The following CSGALNACT1 variants were observed in gnomAD, a reference collection of about 807,000 sequenced individuals.
CSGALNACT1 encodes beta4GalNAcT-1.
In CSGALNACT1, 52 loss-of-function variants were observed where a neutral mutation model predicts 51.0. That is an observed-to-expected ratio of 1.02 (90% CI 0.82 to 1.29). CSGALNACT1 has a LOEUF of 1.29. Ranked by LOEUF, CSGALNACT1 falls within the 50% of genes most tolerant of loss-of-function variation. CSGALNACT1 has a pLI of 0.00. For synonymous variants in CSGALNACT1, 341 were observed against 254.4 expected (o/e 1.34, Z -3.24); for missense variants, 935 against 679.2 (o/e 1.38, Z -4.19).
At position 19,757,647 on chromosome 8, in the gene CSGALNACT1, A is replaced by G. The variant is rs1353396790; in HGVS notation, c.-297+203T>C. 6.6e-6 allele frequency among the ~76,000 whole-genome samples: 1 copy of G among 152,066 alleles called. No individual in the cohort carries two copies. The highest frequency in any genetic ancestry group is 1.5e-5 in the Non-Finnish European group (1 of 67,988). The stretch of plus-strand genomic sequence containing the variant: ...CCGAGTTGCAGGAGAGAGGTGTCCA[A>G]TCTCCATGGGGTCCTTACTCTTGCA... On this transcript the variant is annotated intron_variant, in intron 1 of 1. Transcript: ENST00000517494. This position sits in a 1 kb window ranked among gnomAD's most constrained non-coding sequence, Gnocchi z 4.0.
intron 1 of CSGALNACT1, among the ~76,000 whole-genome samples, chr8:19,717,497 A>C (rs1028982489): frequency 7.9e-5 from 12 of 152,236 alleles, no homozygotes; most frequent in Admixed American, 6.5e-4. Context: ...ATGTTCAGCT[A>C]TACAGGTTTT....
chr8:19,579,078 G>A (rs188963460), intron 3 of CSGALNACT1, among the ~76,000 whole-genome samples: 1 of 152,106 alleles, frequency 6.6e-6, no homozygotes, highest in Non-Finnish European at 1.5e-5. Flanking sequence ...ATGAACTTGA[G>A]CCTATCCACC....
chr8:19,709,679 G>T (rs2062384134), intron 1 of CSGALNACT1, among the ~76,000 whole-genome samples: 1 of 152,208 alleles, frequency 6.6e-6, no homozygotes. Context: ...TTGGCACTCA[G>T]TGGTATCACC....
chr8:19,458,135 C>T (rs925367110), intron 5 of CSGALNACT1, among the ~76,000 whole-genome samples: 1 of 152,212 alleles, frequency 6.6e-6, no homozygotes, highest in Non-Finnish European at 1.5e-5. Flanking sequence ...CTGAGCCCCT[C>T]CGCAAGTCAG....
intron 6 of CSGALNACT1, among the ~76,000 whole-genome samples, chr8:19,427,514 T>C (rs1165783397): frequency 1.3e-5 from 2 of 151,826 alleles, no homozygotes; most frequent in East Asian, 1.9e-4. Context: ...GGCAGCCGGG[T>C]GTGGTGGCTC....
intron 6 of CSGALNACT1, among the ~76,000 whole-genome samples, chr8:19,436,219 T>C (rs1006873284): frequency 2.6e-5 from 4 of 152,364 alleles, no homozygotes. Flanking sequence ...TTAATCACAA[T>C]ACTGATTTCC....
chr8:19,510,907 G>A (rs2078342498), intron 3 of CSGALNACT1, among the ~76,000 whole-genome samples: 1 of 152,164 alleles, frequency 6.6e-6, no homozygotes, highest in South Asian at 2.1e-4. Context: ...GTGCATACCG[G>A]GATTTCTATG....
intron 1 of CSGALNACT1, among the ~76,000 whole-genome samples, chr8:19,616,113 C>A (rs187587203): frequency 1.3e-5 from 2 of 152,116 alleles, no homozygotes; most frequent in Admixed American, 1.3e-4. Context: ...TGTTATCATA[C>A]AATACTAGGC....
intron 1 of CSGALNACT1, among the ~76,000 whole-genome samples, chr8:19,748,301 T>G (rs950919300): frequency 3.3e-5 from 5 of 152,196 alleles, no homozygotes; most frequent in Admixed American, 1.3e-4. Context: ...ACTTCAAAGA[T>G]ATCAAGGGAT....
intron 3 of CSGALNACT1, among the ~76,000 whole-genome samples, chr8:19,570,488 A>G (rs2042786009): frequency 6.6e-6 from 1 of 152,158 alleles, no homozygotes; most frequent in African/African-American, 2.4e-5. Context: ...TCCGGACACA[A>G]ACAGAGAGCA....
At chr8:19,671,212 C>G (rs1224184352) in intron 1 of CSGALNACT1, among the ~76,000 whole-genome samples, 1 of 152,162 alleles carries the variant, frequency 6.6e-6, no homozygotes, top group East Asian at 1.9e-4. Context: ...CAGCAGTCAG[C>G]TAAGCACAGA....
At chr8:19,679,577 C>T (rs938063681) in intron 1 of CSGALNACT1, among the ~76,000 whole-genome samples, 5 of 152,098 alleles carry the variant, frequency 3.3e-5, no homozygotes, top group Non-Finnish European at 7.4e-5. Flanking sequence ...GATCAAATAC[C>T]CCTGTAGCCA....
Position 19,461,475 on chromosome 8 carries a change from C to T in CSGALNACT1, c.635-2833G>A, listed in dbSNP as rs2065340883. Among the ~76,000 whole-genome samples, 2 of 151,864 alleles carry T rather than the reference C, an allele frequency of 1.3e-5. 1 individual carries two copies. Among genetic ancestry groups the T allele is most frequent in the Non-Finnish European group, 2.9e-5 (2 of 68,010 alleles). ...CATAACTGCACAGCAGCCACATTCA[C>T]CAAGGAGGGCCTATCCGCACAGCAG... On this transcript the variant is annotated intron_variant, in intron 4 of 9. Coordinates refer to ENST00000454498, the Ensembl canonical transcript of CSGALNACT1.
Position 19,564,788 on chromosome 8 carries a change from G to C in CSGALNACT1, c.-297+26372C>G, listed in dbSNP as rs144399771. On this transcript the variant is annotated intron_variant, in intron 3 of 9. Coordinates refer to ENST00000454498, the Ensembl canonical transcript of CSGALNACT1. ...AGCACTTTTTCTGTAGTATTTCTGT[G>C]GTTTTTTAATTGGCTACCTTGCCCC... Among the ~76,000 whole-genome samples the C allele has an allele frequency of 7.9e-4, 121 of 152,244 alleles. 1 individual carries two copies. Among genetic ancestry groups the C allele is most frequent in the African/African-American group, 2.8e-3 (117 of 41,522 alleles).
chr8:19,639,376 T>G (rs775875199), intron 1 of CSGALNACT1, among the ~76,000 whole-genome samples: 1 of 152,234 alleles, frequency 6.6e-6, no homozygotes, highest in Non-Finnish European at 1.5e-5. Context: ...ATGAGAATTT[T>G]GCTCCCAATT....
chr8:19,574,810 T>A (rs996166716), intron 3 of CSGALNACT1, among the ~76,000 whole-genome samples: 2 of 152,090 alleles, frequency 1.3e-5, no homozygotes, highest in African/African-American at 4.8e-5. Context: ...AACGGGCAGA[T>A]CACGAGGTCT....
chr8:19,493,665 T>A (rs1033699554), intron 4 of CSGALNACT1, among the ~76,000 whole-genome samples: 1 of 152,218 alleles, frequency 6.6e-6, no homozygotes, highest in South Asian at 2.1e-4. Context: ...CAGCATGTTA[T>A]CAGTAATTCA....
intron 3 of CSGALNACT1, among the ~76,000 whole-genome samples, chr8:19,543,133 A>G (rs2085627623): frequency 6.6e-6 from 1 of 152,218 alleles, no homozygotes; most frequent in Non-Finnish European, 1.5e-5. Context: ...TTTCAAAACT[A>G]GATGTATATT....
At chr8:19,601,275 T>C (rs554502045) in intron 2 of CSGALNACT1, among the ~76,000 whole-genome samples, 43 of 152,332 alleles carry the variant, frequency 2.8e-4, no homozygotes, top group African/African-American at 9.6e-4. Context: ...TAAGACACCA[T>C]ATGTCAGAAA....
Sources: allele counts gnomAD v4.1 joint callset (sites outside exome capture counted in the v4.1 genomes callset), GRCh38; gene constraint gnomAD v4.1.1; non-coding constraint Gnocchi (gnomAD v3.1); transcripts MANE v1.5; gene names NCBI Gene and HGNC (gene_info 2026-07-23, HGNC 2026-07-21).